CHCHD3: variants seen among roughly 807,000 people sequenced by gnomAD.
CHCHD3 encodes coiled-coil-helix-coiled-coil-helix domain containing 3.
In CHCHD3, 20 loss-of-function variants were observed where a neutral mutation model predicts 38.2. The observed-to-expected ratio is 0.52, with a 90% CI of 0.37 to 0.76. The LOEUF (loss-of-function observed/expected upper bound fraction) is 0.76. Ranked by LOEUF, CHCHD3 falls within the 30% of genes least tolerant of loss-of-function variation. The probability of loss-of-function intolerance (pLI) is 0.00; values close to 1 mark genes in which losing one functional copy is unlikely to be tolerated. For synonymous variants in CHCHD3, 82 were observed against 100.0 expected, an observed-to-expected ratio of 0.82 and a Z score of 1.07; for missense variants, 245 against 279.2, an observed-to-expected ratio of 0.88 and a Z score of 0.87.
chr7:132,915,446 G>C (rs1020721107), intron 4 of CHCHD3, among the ~76,000 whole-genome samples: 1 of 152,126 alleles, frequency 6.6e-6, no homozygotes, highest in Non-Finnish European at 1.5e-5. Flanking sequence ...CTTTTGAGCT[G>C]TTCCCCATAT....
intron 4 of CHCHD3, chr7:132,973,814 C>T: frequency 9.1e-7 from 1 of 1,100,742 alleles, no homozygotes. Context: ...TTAGTGTTTC[C>T]CAATTGCCTA....
At chr7:133,077,396 C>T (rs923190726) in intron 1 of CHCHD3, among the ~76,000 whole-genome samples, 13 of 152,236 alleles carry the variant, frequency 8.5e-5, no homozygotes, top group African/African-American at 3.1e-4. Flanking sequence ...GGTCTCTCAA[C>T]TGCCAACACT....
At chr7:132,928,243 T>C (rs1353706157) in intron 4 of CHCHD3, among the ~76,000 whole-genome samples, 2 of 152,110 alleles carry the variant, frequency 1.3e-5, no homozygotes, top group African/African-American at 4.8e-5. Context: ...AACGCTGAAG[T>C]TAGGAAAGAT....
chr7:132,804,265 T>G (rs1806858402), intron 6 of CHCHD3, among the ~76,000 whole-genome samples: 1 of 152,208 alleles, frequency 6.6e-6, no homozygotes, highest in Non-Finnish European at 1.5e-5. Flanking sequence ...ATCACTTTCC[T>G]CAATCTATTA....
intron 2 of CHCHD3, among the ~76,000 whole-genome samples, chr7:133,049,784 C>A (rs1207632995): frequency 6.6e-6 from 1 of 152,202 alleles, no homozygotes; most frequent in African/African-American, 2.4e-5. Flanking sequence ...GAACATGAAA[C>A]AATTTCTTTA....
chr7:132,980,237 C>G (rs1043848751), intron 3 of CHCHD3, among the ~76,000 whole-genome samples: 1 of 152,152 alleles, frequency 6.6e-6, no homozygotes, highest in African/African-American at 2.4e-5. Context: ...TCTCACTGAC[C>G]AAGGGAAGGC....
chr7:132,809,516 C>T (rs1250847863), intron 6 of CHCHD3, among the ~76,000 whole-genome samples: 3 of 152,174 alleles, frequency 2.0e-5, no homozygotes, highest in Admixed American at 6.5e-5. Flanking sequence ...TTCCTTCTCC[C>T]TCTCCTCCAC....
chr7:132,994,204 T>G (rs1194228176), intron 3 of CHCHD3, among the ~76,000 whole-genome samples: 1 of 152,230 alleles, frequency 6.6e-6, no homozygotes, highest in Non-Finnish European at 1.5e-5. Flanking sequence ...TCTTTCTATA[T>G]ATGTAGGATG....
At chr7:132,874,263 C>A (rs115315821) in intron 5 of CHCHD3, among the ~76,000 whole-genome samples, 1 of 152,214 alleles carries the variant, frequency 6.6e-6, no homozygotes, top group East Asian at 1.9e-4. Context: ...AAACGTTTTA[C>A]GAAGACAAAT....
intron 3 of CHCHD3, among the ~76,000 whole-genome samples, chr7:132,982,655 G>C (rs768377641): frequency 2.0e-5 from 3 of 152,104 alleles, no homozygotes; most frequent in Non-Finnish European, 4.4e-5. Context: ...CTCGTACCAG[G>C]TACAACTGTA....
At chr7:133,067,568 T>C (rs1161431949) in intron 2 of CHCHD3, among the ~76,000 whole-genome samples, 1 of 152,224 alleles carries the variant, frequency 6.6e-6, no homozygotes, top group Non-Finnish European at 1.5e-5. Flanking sequence ...ATCAGCTAGA[T>C]GTGCTCACTG....
intron 4 of CHCHD3, among the ~76,000 whole-genome samples, chr7:132,908,247 C>T (rs903883034): frequency 6.6e-6 from 1 of 152,080 alleles, no homozygotes; most frequent in Non-Finnish European, 1.5e-5. Flanking sequence ...TGCAGGAAAA[C>T]GTAACTGGGA....
chr7:133,080,557 A>G (rs1815143757), intron 1 of CHCHD3, among the ~76,000 whole-genome samples: 1 of 152,344 alleles, frequency 6.6e-6, no homozygotes, highest in East Asian at 1.9e-4. Context: ...TAATGGCAAG[A>G]GTCTTAAAAT....
intron 3 of CHCHD3, among the ~76,000 whole-genome samples, chr7:132,988,632 A>T (rs1812191250): frequency 6.6e-6 from 1 of 152,184 alleles, no homozygotes; most frequent in Non-Finnish European, 1.5e-5. Context: ...AAATAATAAA[A>T]GCCAGGCTCA....
At chr7:133,055,558 G>T in intron 2 of CHCHD3, among the ~76,000 whole-genome samples, 1 of 144,632 alleles carries the variant, frequency 6.9e-6, no homozygotes, top group South Asian at 2.2e-4. Flanking sequence ...TAATTATTAT[G>T]TATTTATTAT....
intron 4 of CHCHD3, among the ~76,000 whole-genome samples, chr7:132,967,562 G>T (rs1811497948): frequency 6.6e-6 from 1 of 151,924 alleles, no homozygotes; most frequent in Non-Finnish European, 1.5e-5. Flanking sequence ...AGGCAAAGGA[G>T]GGAGGATCTC....
chr7:133,076,550 T>C (rs954200660), intron 1 of CHCHD3, among the ~76,000 whole-genome samples: 1 of 152,194 alleles, frequency 6.6e-6, no homozygotes, highest in African/African-American at 2.4e-5. Flanking sequence ...TTGCCAAGTT[T>C]AAATTTGTGG....
intron 2 of CHCHD3, among the ~76,000 whole-genome samples, chr7:133,056,694 T>C (rs1261433878): frequency 6.6e-6 from 1 of 152,060 alleles, no homozygotes; most frequent in Non-Finnish European, 1.5e-5. Context: ...AGGTAAAAGG[T>C]GGCAGTGAAG....
At position 132,885,765 on chromosome 7, in the gene CHCHD3, A is replaced by G. The variant is rs751042163; in HGVS notation, c.370-20T>C. ...CCTAGCCTAAAAAAAGAAATGAGGA[A>G]TATACTATATCAAGAAAAAGCAGCA... On this transcript the variant is annotated intron_variant, in intron 4 of 7. Coordinates refer to ENST00000262570, the MANE Select transcript of CHCHD3 (RefSeq NM_017812.4). 11 of 1,549,374 alleles carry G rather than the reference A, an allele frequency of 7.1e-6. No individual in the cohort carries two copies. In the East Asian group the frequency reaches 2.3e-4, roughly 33 times the overall value.
Sources: allele counts gnomAD v4.1 joint callset (sites outside exome capture counted in the v4.1 genomes callset), GRCh38; gene constraint gnomAD v4.1.1; transcripts MANE v1.5; gene names NCBI Gene and HGNC (gene_info 2026-07-23, HGNC 2026-07-21).